Variants in MAP4K5 observed in about 807,000 individuals in gnomAD.
MAP4K5 encodes MAPK/ERK kinase kinase kinase 5.
MAP4K5 carries 82 observed loss-of-function variants against 135.6 expected under a neutral mutation model. The observed-to-expected ratio is 0.60, with a 90% CI of 0.51 to 0.73. The LOEUF (loss-of-function observed/expected upper bound fraction) is 0.73. Ranked by LOEUF, MAP4K5 falls within the 30% of genes least tolerant of loss-of-function variation. MAP4K5 has a pLI of 0.00. For missense variants in MAP4K5, 907 were observed against 1,010.9 expected (o/e 0.90, Z 1.39); for synonymous variants, 347 against 335.0 (o/e 1.04, Z -0.39).
At chr14:50,474,912 A>G (rs1411017727) in intron 9 of MAP4K5, among the ~76,000 whole-genome samples, 165 bp downstream of exon 9, 1 of 152,208 alleles carries the variant, frequency 6.6e-6, no homozygotes, top group Non-Finnish European at 1.5e-5. Flanking sequence ...TGAACCATGA[A>G]TATGAGCATC....
chr14:50,420,466 A>G (rs2035700658), intron 32 of MAP4K5, among the ~76,000 whole-genome samples: 1 of 151,268 alleles, frequency 6.6e-6, no homozygotes, highest in Non-Finnish European at 1.5e-5. Flanking sequence ...CCCCAACTCT[A>G]CAAAAAAAAA....
intron 3 of MAP4K5, among the ~76,000 whole-genome samples, chr14:50,487,466 G>C (rs2037389286): frequency 6.6e-6 from 1 of 152,152 alleles, no homozygotes; most frequent in African/African-American, 2.4e-5. Flanking sequence ...TAAAGGGTTA[G>C]GGAAGCCAAA....
intron 1 of MAP4K5, among the ~76,000 whole-genome samples, chr14:50,544,936 CAAAAAAAAA>C (rs35420627): frequency 1.2e-4 from 7 of 58,448 alleles, no homozygotes; most frequent in Non-Finnish European, 1.9e-4. Flanking sequence ...GACCCACTCT[CAAAAAAAAA>C]AAAAAAAAAA....
At chr14:50,432,514 C>T (rs2035992400) in intron 28 of MAP4K5, among the ~76,000 whole-genome samples, 1 of 146,798 alleles carries the variant, frequency 6.8e-6, no homozygotes, top group South Asian at 2.1e-4. Context: ...GGTAGAATAG[C>T]ATACCTCACG....
At position 50,456,573 on chromosome 14, in the gene MAP4K5, T is replaced by C; in HGVS notation, c.958A>G (p.Thr320Ala). ...DFEPHAIIRH[T>A]IRSTNRNARA... ...GCATTCCTGTTTGTAGATCTAATGG[T>C]ATGACGAATGATTGCATGGGGCTGT... Residue 320 changes from threonine to alanine, a missense_variant, in exon 14 of 33, where the codon ACC becomes GCC. Physicochemically the swap from Thr to Ala is moderately conservative, Grantham distance 58. Transcript: ENST00000682126. The C allele has an allele frequency of 1.3e-6, 2 of 1,575,170 alleles. No homozygotes were observed. The highest frequency in any genetic ancestry group is 1.7e-6 in the Non-Finnish European group (2 of 1,158,902).
At chr14:50,448,296 T>C (rs10145994) in intron 15 of MAP4K5, among the ~76,000 whole-genome samples, 2,195 of 152,250 alleles carry the variant, frequency 0.014, 41 homozygotes, top group African/African-American at 0.05. Context: ...ATTACAGGAG[T>C]TGGCCACTGG....
intron 2 of MAP4K5, among the ~76,000 whole-genome samples, chr14:50,505,831 G>A (rs578256841): frequency 5.9e-5 from 9 of 152,082 alleles, no homozygotes; most frequent in African/African-American, 2.2e-4. Flanking sequence ...CTTTATTGTT[G>A]GACATAAAGG....
rs1381492215 is a variant in MAP4K5 at position 50,420,014 on chromosome 14, G to A, written c.*5C>T. The A allele has an allele frequency of 6.3e-7, 1 of 1,590,366 alleles. No individual in the cohort carries two copies. The highest frequency in any genetic ancestry group is 1.3e-5 in the African/African-American group (1 of 74,710). ...TTCCTGTCATTTGAGATCAGTTTCT[G>A]TTGCTTAGTAACTATTTTCATGTCC... On this transcript the variant is annotated 3_prime_UTR_variant, in exon 33 of 33. Coordinates refer to ENST00000682126, the MANE Select transcript of MAP4K5 (RefSeq NM_006575.6).
At chr14:50,432,063 T>C (rs1322986682) in intron 28 of MAP4K5, among the ~76,000 whole-genome samples, 1 of 152,206 alleles carries the variant, frequency 6.6e-6, no homozygotes, top group Non-Finnish European at 1.5e-5. Flanking sequence ...ACTTCAAAAA[T>C]AGTTTTTCTT....
At chr14:50,545,485 C>G (rs903019735) in intron 1 of MAP4K5, among the ~76,000 whole-genome samples, 1 of 152,152 alleles carries the variant, frequency 6.6e-6, no homozygotes, top group Non-Finnish European at 1.5e-5. Context: ...TCCAACTGCT[C>G]AACCTTTGTG....
intron 2 of MAP4K5, among the ~76,000 whole-genome samples, chr14:50,523,840 T>G (rs2038203987): frequency 6.6e-6 from 1 of 152,224 alleles, no homozygotes; most frequent in Non-Finnish European, 1.5e-5. Context: ...AAGTATTTGT[T>G]GAATGTTAAA....
chr14:50,463,066 C>T (rs1468078901), intron 12 of MAP4K5, among the ~76,000 whole-genome samples: 1 of 152,040 alleles, frequency 6.6e-6, no homozygotes, highest in African/African-American at 2.4e-5. Flanking sequence ...TATGGCTATA[C>T]CAATGACATT....
intron 1 of MAP4K5, among the ~76,000 whole-genome samples, chr14:50,554,868 C>A (rs941259296): frequency 5.3e-5 from 8 of 152,134 alleles, no homozygotes; most frequent in African/African-American, 1.9e-4. Flanking sequence ...CTTGGGAGAA[C>A]ATTTTTCTAT....
intron 11 of MAP4K5, among the ~76,000 whole-genome samples, chr14:50,466,006 G>T (rs915456825): frequency 2.6e-5 from 4 of 152,094 alleles, no homozygotes; most frequent in African/African-American, 7.2e-5. Flanking sequence ...CCCAGGAGGC[G>T]GAGGATGCAT....
chr14:50,493,352 C>T (rs1300236162), intron 3 of MAP4K5, among the ~76,000 whole-genome samples: 1 of 152,088 alleles, frequency 6.6e-6, no homozygotes, highest in African/African-American at 2.4e-5. Flanking sequence ...TTTTCCAGTC[C>T]TGTAAGTACT....
At chr14:50,476,046 T>C in intron 8 of MAP4K5, 82 bp downstream of exon 8, 5 of 749,562 alleles carry the variant, frequency 6.7e-6, no homozygotes, top group Admixed American at 6.5e-5. Flanking sequence ...ATAATGTTAA[T>C]TCTCATTTAA....
At chr14:50,436,300 G>A (rs1303702719) in intron 26 of MAP4K5, among the ~76,000 whole-genome samples, 1 of 152,136 alleles carries the variant, frequency 6.6e-6, no homozygotes, top group Non-Finnish European at 1.5e-5. Flanking sequence ...CTGCTTCTGG[G>A]AGGTAATTGC....
At chr14:50,545,580 A>G (rs1290550667) in intron 1 of MAP4K5, among the ~76,000 whole-genome samples, 1 of 152,218 alleles carries the variant, frequency 6.6e-6, no homozygotes, top group East Asian at 1.9e-4. Context: ...TTAAAGTACA[A>G]TAAGAATAGC....
chr14:50,507,184 C>A (rs1315464442), intron 2 of MAP4K5, among the ~76,000 whole-genome samples: 1 of 152,120 alleles, frequency 6.6e-6, no homozygotes, highest in Non-Finnish European at 1.5e-5. Context: ...TTACTTAATT[C>A]TATTTATTTA....
Sources: gnomAD v4.1 joint callset for allele counts (sites outside exome capture counted in the v4.1 genomes callset) on GRCh38, gnomAD v4.1.1 for gene constraint, MANE v1.5 for transcripts, NCBI Gene and HGNC (gene_info 2026-07-23, HGNC 2026-07-21) for gene names.